The following HYCC2 variants were observed in gnomAD, a reference collection of about 807,000 sequenced individuals.
HYCC2 encodes the protein hyccin PI4KA lipid kinase complex subunit 2.
At chr2:201,023,976 A>G in the HYCC2 span, 1 of 1,613,332 alleles carries the variant, frequency 6.2e-7, no homozygotes. Context: ...TCTGATAACC[A>G]TTCTTCCACA....
chr2:201,009,371 G>A, the HYCC2 span: 1 of 249,232 alleles, frequency 4.0e-6, no homozygotes, highest in Non-Finnish European at 7.9e-6. Context: ...AAAACTAAAG[G>A]TTAAAAATAC....
At chr2:201,005,095 C>T in the HYCC2 span, among the ~76,000 whole-genome samples, 6 of 150,658 alleles carry the variant, frequency 4.0e-5, no homozygotes, top group African/African-American at 7.3e-5. Flanking sequence ...CAAGCAATTG[C>T]GTGGAATGAA....
At chr2:201,071,185 C>G in the HYCC2 span, among the ~76,000 whole-genome samples, 2 of 152,194 alleles carry the variant, frequency 1.3e-5, no homozygotes, top group African/African-American at 2.4e-5. Context: ...TCCGCTCCCC[C>G]TCACCACCCC....
chr2:200,979,948 A>G, the HYCC2 span: 14 of 152,760 alleles, frequency 9.2e-5, no homozygotes, highest in African/African-American at 3.4e-4. Context: ...CATGATATCA[A>G]AGTTTTATAA....
At chr2:201,050,020 A>G in the HYCC2 span, among the ~76,000 whole-genome samples, 1 of 152,002 alleles carries the variant, frequency 6.6e-6, no homozygotes, top group Non-Finnish European at 1.5e-5. Context: ...TTCCTAAATT[A>G]TCTATAGGTC....
the HYCC2 span, among the ~76,000 whole-genome samples, chr2:200,991,637 A>C: frequency 6.6e-6 from 1 of 152,116 alleles, no homozygotes; most frequent in Non-Finnish European, 1.5e-5. Flanking sequence ...TGGTAGGCTA[A>C]GATGGGAGGA....
chr2:201,041,241 ACAAGGT>A, the HYCC2 span, among the ~76,000 whole-genome samples: 34 of 152,360 alleles, frequency 2.2e-4, no homozygotes, highest in East Asian at 5.0e-3. Flanking sequence ...TGTGACCTAT[ACAAGGT>A]AACACAGTTT....
At chr2:200,979,570 A>G in the HYCC2 span, 1 of 152,426 alleles carries the variant, frequency 6.6e-6, no homozygotes, top group Admixed American at 6.6e-5. Flanking sequence ...ATCAAAATCT[A>G]TTGTAATTTT....
the HYCC2 span, among the ~76,000 whole-genome samples, chr2:201,037,650 T>C: frequency 9.8e-4 from 150 of 152,288 alleles, no homozygotes; most frequent in African/African-American, 3.3e-3. Context: ...GAAAGGATTC[T>C]TTATTTAATA....
chr2:201,064,956 C>T, the HYCC2 span, among the ~76,000 whole-genome samples: 1 of 152,222 alleles, frequency 6.6e-6, no homozygotes, highest in African/African-American at 2.4e-5. Flanking sequence ...GACATTGCTA[C>T]AGTCTACAAA....
chr2:201,047,851 A>C, the HYCC2 span, among the ~76,000 whole-genome samples: 2 of 151,396 alleles, frequency 1.3e-5, no homozygotes, highest in Non-Finnish European at 2.9e-5. Context: ...TGCCCAGCAA[A>C]ACTATCCTTC....
chr2:200,982,852 G>A, the HYCC2 span, among the ~76,000 whole-genome samples: 2 of 152,148 alleles, frequency 1.3e-5, no homozygotes, highest in East Asian at 1.9e-4. Flanking sequence ...CTGCCTCCCA[G>A]GTTCAAGTAA....
the HYCC2 span, among the ~76,000 whole-genome samples, chr2:201,007,990 T>C: frequency 6.6e-6 from 1 of 152,242 alleles, no homozygotes; most frequent in Non-Finnish European, 1.5e-5. Context: ...CTTCATATTC[T>C]ACTATATGTG....
the HYCC2 span, among the ~76,000 whole-genome samples, chr2:201,059,237 A>G: frequency 6.6e-6 from 1 of 152,044 alleles, no homozygotes; most frequent in Non-Finnish European, 1.5e-5. Context: ...CCTATAATAA[A>G]CCTTATAATA....
At chr2:201,040,463 T>G in the HYCC2 span, among the ~76,000 whole-genome samples, 4 of 151,918 alleles carry the variant, frequency 2.6e-5, no homozygotes, top group Non-Finnish European at 5.9e-5. Context: ...GCTTTTGTTT[T>G]TTTTTTTTTG....
At chr2:201,003,469 G>A in the HYCC2 span, among the ~76,000 whole-genome samples, 2 of 152,128 alleles carry the variant, frequency 1.3e-5, no homozygotes, top group Non-Finnish European at 2.9e-5. Flanking sequence ...CCAGCACTTT[G>A]GGAGGCTGAG....
chr2:200,987,677 G>GCA, the HYCC2 span: 40 of 483,866 alleles, frequency 8.3e-5, no homozygotes, highest in Non-Finnish European at 1.3e-4. Flanking sequence ...TGTGCATGCT[G>GCA]TGCACACACA....
chr2:201,022,173 A>G, the HYCC2 span: 4 of 998,730 alleles, frequency 4.0e-6, no homozygotes, highest in East Asian at 1.2e-4. Flanking sequence ...TTAAGCATAC[A>G]TGAATCCAGT....
At chr2:201,042,836 GC>G in the HYCC2 span, among the ~76,000 whole-genome samples, 1 of 146,668 alleles carries the variant, frequency 6.8e-6, no homozygotes, top group Non-Finnish European at 1.5e-5. Context: ...CTGCCCGGCC[GC>G]CACCCCGTCT....
Sources: allele counts gnomAD v4.1 joint callset (sites outside exome capture counted in the v4.1 genomes callset), GRCh38; gene constraint gnomAD v4.1.1; transcripts MANE v1.5; gene names NCBI Gene and HGNC (gene_info 2026-07-23, HGNC 2026-07-21).